Variants in ITPR1 observed in about 807,000 individuals in gnomAD.
The protein encoded by ITPR1 is inositol 1,4,5-trisphosphate receptor type 1.
ITPR1 carries 96 observed loss-of-function variants against 318.4 expected under a neutral mutation model. That is an observed-to-expected ratio of 0.30 (90% CI 0.26 to 0.36). The LOEUF (loss-of-function observed/expected upper bound fraction) is 0.36. Ranked by LOEUF, ITPR1 falls within the 10% of genes least tolerant of loss-of-function variation. The pLI is 1.00. For synonymous variants in ITPR1, 1,312 were observed against 1,289.9 expected (o/e 1.02, Z -0.37); for missense variants, 2,440 against 3,460.2 (o/e 0.71, Z 7.40).
At chr3:4,498,758 G>A (rs1209415666) in intron 2 of ITPR1, among the ~76,000 whole-genome samples, 2 of 152,210 alleles carry the variant, frequency 1.3e-5, no homozygotes, top group African/African-American at 4.8e-5. Flanking sequence ...CAGTTGACTT[G>A]GAGAGCAAAT....
chr3:4,517,440 A>C (rs1384471758), intron 3 of ITPR1, among the ~76,000 whole-genome samples: 1 of 152,240 alleles, frequency 6.6e-6, no homozygotes, highest in African/African-American at 2.4e-5. Context: ...TCATTTTTAC[A>C]GCAGCCAGAC....
At chr3:4,745,455 C>T (rs943834113) in intron 44 of ITPR1, among the ~76,000 whole-genome samples, 1 of 152,212 alleles carries the variant, frequency 6.6e-6, no homozygotes, top group African/African-American at 2.4e-5. Flanking sequence ...TACCCCAAAG[C>T]ATCATGGTTT....
chr3:4,581,654 G>A (rs937870010), intron 4 of ITPR1, among the ~76,000 whole-genome samples: 7 of 152,178 alleles, frequency 4.6e-5, no homozygotes, highest in African/African-American at 1.7e-4. Context: ...ATAACCAAAT[G>A]CTCAGAAACC....
intron 46 of ITPR1, among the ~76,000 whole-genome samples, chr3:4,774,305 C>A (rs1467149173): frequency 6.6e-6 from 1 of 152,222 alleles, no homozygotes; most frequent in Non-Finnish European, 1.5e-5. Context: ...GTTTCCAGTT[C>A]TTCACTGTCA....
chr3:4,548,631 C>T (rs1379253961), intron 4 of ITPR1, among the ~76,000 whole-genome samples: 10 of 152,080 alleles, frequency 6.6e-5, no homozygotes, highest in Non-Finnish European at 1.5e-5. Flanking sequence ...CACTTCAGTT[C>T]GTTCAAGGTG....
intron 2 of ITPR1, among the ~76,000 whole-genome samples, chr3:4,510,876 G>A (rs1265565908): frequency 6.6e-6 from 1 of 152,286 alleles, no homozygotes; most frequent in East Asian, 1.9e-4. Flanking sequence ...CAAGGGGTGG[G>A]GTAGGGACGA....
At chr3:4,589,831 T>A (rs1202972385) in intron 4 of ITPR1, among the ~76,000 whole-genome samples, 1 of 151,952 alleles carries the variant, frequency 6.6e-6, no homozygotes, top group Admixed American at 6.6e-5. Context: ...ACAAATTGGA[T>A]CAGAATCTCT....
At chr3:4,518,560 G>A (rs2082326216) in intron 3 of ITPR1, among the ~76,000 whole-genome samples, 1 of 152,088 alleles carries the variant, frequency 6.6e-6, no homozygotes, top group Non-Finnish European at 1.5e-5. Context: ...ATATTTATGG[G>A]GGACCTGTTG....
rs759857013 is a variant in ITPR1, at chr3:4,725,560, G to A, written c.5151G>A (p.Pro1717=). 44 of 1,598,856 alleles carry A rather than the reference G, an allele frequency of 2.8e-5. No individual in the cohort carries two copies. The highest frequency in any genetic ancestry group is 8.3e-5 in the Admixed American group (5 of 59,902). The change falls in exon 41 of 62, where the codon CCG becomes CCA. Residue 1717 remains proline, a synonymous_variant. Transcript: ENST00000649015. ...CTCCCAATTAGCTTCCTCCAGCTCC[G>A]GATTCTGAGAACGCCACTGAGGTGT... ...ELDNAELPPA[P]DSENATEELE...
chr3:4,497,572 C>G (rs971754112), intron 2 of ITPR1, among the ~76,000 whole-genome samples: 2 of 152,094 alleles, frequency 1.3e-5, no homozygotes, highest in African/African-American at 4.8e-5. Flanking sequence ...CAGAAAATAA[C>G]AAGTGGAGAA....
intron 33 of ITPR1, among the ~76,000 whole-genome samples, chr3:4,696,801 C>T (rs374584144): frequency 1.1e-4 from 17 of 151,478 alleles, no homozygotes; most frequent in East Asian, 9.9e-4. Flanking sequence ...CATTGTTACA[C>T]GCCTTGCAGA....
chr3:4,782,890 G>A, intron 50 of ITPR1, 149 bp downstream of exon 50: 2 of 630,608 alleles, frequency 3.2e-6, no homozygotes, highest in Non-Finnish European at 2.4e-6. Context: ...GGTGCTCGTG[G>A]CAACCTGACC....
intron 4 of ITPR1, among the ~76,000 whole-genome samples, chr3:4,580,188 C>G (rs1003246849): frequency 6.6e-6 from 1 of 152,022 alleles, no homozygotes; most frequent in African/African-American, 2.4e-5. Context: ...CCATCCTGGG[C>G]AACAGAGCCA....
intron 44 of ITPR1, among the ~76,000 whole-genome samples, chr3:4,759,214 G>C (rs577620509): frequency 6.6e-6 from 1 of 152,254 alleles, no homozygotes; most frequent in Non-Finnish European, 1.5e-5. Flanking sequence ...ACGCTCCATG[G>C]CTTTGCAAGG....
At chr3:4,814,775 C>T in intron 58 of ITPR1, 1 of 616,522 alleles carries the variant, frequency 1.6e-6, no homozygotes, top group East Asian at 2.8e-5. Context: ...TTGGCTTTGG[C>T]TCTCTGTTCA....
At chr3:4,697,825 G>A (rs1246808823) in intron 34 of ITPR1, among the ~76,000 whole-genome samples, 1 of 151,992 alleles carries the variant, frequency 6.6e-6, no homozygotes, top group Non-Finnish European at 1.5e-5. Context: ...GGTTATTTCT[G>A]GTTTTCATGT....
intron 5 of ITPR1, among the ~76,000 whole-genome samples, chr3:4,628,387 T>A (rs554478323): frequency 6.6e-6 from 1 of 152,328 alleles, no homozygotes; most frequent in Non-Finnish European, 1.5e-5. Context: ...TGTTGTGTTA[T>A]CTGGCATATT....
chr3:4,668,249 C>T (rs560045275), intron 18 of ITPR1, among the ~76,000 whole-genome samples: 2 of 150,028 alleles, frequency 1.3e-5, no homozygotes, highest in East Asian at 1.9e-4. Context: ...GTTAACATCC[C>T]CACCTCCCCC....
intron 59 of ITPR1, among the ~76,000 whole-genome samples, chr3:4,816,687 C>T (rs1384515517): frequency 6.6e-6 from 1 of 152,184 alleles, no homozygotes; most frequent in Non-Finnish European, 1.5e-5. Flanking sequence ...CTGCGCCCAG[C>T]CGTGATACTA....
Sources: allele counts gnomAD v4.1 joint callset (sites outside exome capture counted in the v4.1 genomes callset), GRCh38; gene constraint gnomAD v4.1.1; transcripts MANE v1.5; gene names NCBI Gene and HGNC (gene_info 2026-07-23, HGNC 2026-07-21).